SUGCT: variants seen among roughly 807,000 people sequenced by gnomAD.
The protein encoded by SUGCT is succinyl-CoA:glutarate CoA-transferase.
SUGCT carries 41 observed loss-of-function variants against 55.0 expected under a neutral mutation model. The ratio of observed to expected loss-of-function variants is 0.74; its 90% confidence interval spans 0.58 to 0.97. The LOEUF is 0.97. Ranked by LOEUF, SUGCT falls within the 50% of genes least tolerant of loss-of-function variation. The pLI is 0.00. For missense variants in SUGCT, 568 were observed against 547.8 expected, an observed-to-expected ratio of 1.04 and a Z score of -0.37; for synonymous variants, 187 against 200.4, an observed-to-expected ratio of 0.93 and a Z score of 0.56.
intron 12 of SUGCT, among the ~76,000 whole-genome samples, chr7:40,620,155 T>C (rs1290443001): frequency 2.0e-5 from 3 of 152,180 alleles, no homozygotes; most frequent in African/African-American, 7.2e-5. Context: ...GGATGTACCT[T>C]ACCTGACAAT....
chr7:40,922,426 C>G, the SUGCT span, among the ~76,000 whole-genome samples: 4 of 152,186 alleles, frequency 2.6e-5, no homozygotes, highest in African/African-American at 9.7e-5. Flanking sequence ...TTAGGTGGCT[C>G]TTGCAGTCTG....
At chr7:40,449,414 C>G in intron 10 of SUGCT, 56 bp downstream of exon 10, 1 of 1,398,956 alleles carries the variant, frequency 7.1e-7, no homozygotes, top group Non-Finnish European at 1.0e-6. Flanking sequence ...AGGGAAAGTT[C>G]AGTTTTGCCC....
At chr7:41,038,337 T>G in the SUGCT span, among the ~76,000 whole-genome samples, 1 of 152,220 alleles carries the variant, frequency 6.6e-6, no homozygotes, top group Non-Finnish European at 1.5e-5. Flanking sequence ...CCTTCTGCTA[T>G]TCTGCAGGCA....
chr7:40,253,817 G>A (rs977300461), intron 7 of SUGCT, among the ~76,000 whole-genome samples: 3 of 152,160 alleles, frequency 2.0e-5, no homozygotes, highest in African/African-American at 7.2e-5. Flanking sequence ...CACTGCACCC[G>A]GCCTACATGT....
intron 8 of SUGCT, among the ~76,000 whole-genome samples, chr7:40,297,814 C>T (rs1366966825): frequency 2.0e-5 from 3 of 152,008 alleles, no homozygotes; most frequent in African/African-American, 2.4e-5. Flanking sequence ...TCAAGCATGT[C>T]CTATATACAT....
At chr7:40,221,374 A>C (rs773504078) in intron 6 of SUGCT, among the ~76,000 whole-genome samples, 1 of 150,866 alleles carries the variant, frequency 6.6e-6, no homozygotes, top group Non-Finnish European at 1.5e-5. Context: ...AGGTCATGCC[A>C]CTGCACTCCA....
At chr7:40,771,262 GTAGTT>G (rs1298454772) in intron 13 of SUGCT, among the ~76,000 whole-genome samples, 3 of 152,124 alleles carry the variant, frequency 2.0e-5, no homozygotes, top group Non-Finnish European at 4.4e-5. Context: ...TTAGAAAGGT[GTAGTT>G]TAATCTATTA....
the SUGCT span, among the ~76,000 whole-genome samples, chr7:40,917,620 T>C: frequency 6.6e-6 from 1 of 152,104 alleles, no homozygotes; most frequent in African/African-American, 2.4e-5. Context: ...CAAGCTGCTA[T>C]AACAACAACA....
At chr7:40,416,352 A>G (rs1287619546) in intron 9 of SUGCT, among the ~76,000 whole-genome samples, 2 of 151,774 alleles carry the variant, frequency 1.3e-5, no homozygotes, top group African/African-American at 2.4e-5. Context: ...CTTATTTACT[A>G]GAATCTCAGA....
intron 8 of SUGCT, among the ~76,000 whole-genome samples, chr7:40,312,694 T>G (rs1291359723): frequency 6.6e-6 from 1 of 152,164 alleles, no homozygotes. Context: ...AAATATAATC[T>G]CTTGCTTGCT....
chr7:40,721,431 A>G (rs1258925725), intron 12 of SUGCT, among the ~76,000 whole-genome samples: 2 of 152,208 alleles, frequency 1.3e-5, no homozygotes, highest in Non-Finnish European at 2.9e-5. Context: ...GGCGGCAGAT[A>G]AGGAATGCTC....
At chr7:40,866,517 C>T in the SUGCT span, among the ~76,000 whole-genome samples, 4 of 150,008 alleles carry the variant, frequency 2.7e-5, no homozygotes, top group South Asian at 2.2e-4. Flanking sequence ...TTCATATAGC[C>T]GAACGTGCTT....
At chr7:40,660,158 T>C (rs952404065) in intron 12 of SUGCT, among the ~76,000 whole-genome samples, 14 of 152,334 alleles carry the variant, frequency 9.2e-5, no homozygotes, top group African/African-American at 3.1e-4. Context: ...TATATAGTCA[T>C]TGAGGCTGAG....
At chr7:40,241,876 C>A (rs984537204) in intron 7 of SUGCT, among the ~76,000 whole-genome samples, 1 of 148,772 alleles carries the variant, frequency 6.7e-6, no homozygotes, top group African/African-American at 2.5e-5. Flanking sequence ...GCTGAGATCA[C>A]GCCACTGTAC....
At chr7:40,914,720 G>C in the SUGCT span, among the ~76,000 whole-genome samples, 1 of 152,148 alleles carries the variant, frequency 6.6e-6, no homozygotes, top group African/African-American at 2.4e-5. Context: ...CTGTATCTCA[G>C]ACCTCAAACC....
chr7:40,705,730 C>G (rs552970870), intron 12 of SUGCT, among the ~76,000 whole-genome samples: 1 of 152,148 alleles, frequency 6.6e-6, no homozygotes, highest in Admixed American at 6.5e-5. Context: ...CTTAACTGTG[C>G]TGCTGGTGCC....
At chr7:40,245,192 T>G (rs1374517789) in intron 7 of SUGCT, among the ~76,000 whole-genome samples, 1 of 149,632 alleles carries the variant, frequency 6.7e-6, no homozygotes, top group African/African-American at 2.5e-5. Context: ...GTAGCTGGCA[T>G]TACAGGCACC....
Position 40,367,379 on chromosome 7 carries a change from C to T in SUGCT, c.816+50524C>T, listed in dbSNP as rs537439005. On this transcript the variant is annotated intron_variant, in intron 9 of 13. Coordinates refer to ENST00000335693, the MANE Select transcript of SUGCT (RefSeq NM_001193313.2). ...CATGTATACATATGTAACTAACCTGCACATTTTGCACCTATACCCTAAAAC... is the reference window on the plus strand; with the variant it reads ...CATGTATACATATGTAACTAACCTGTACATTTTGCACCTATACCCTAAAAC... Among the ~76,000 whole-genome samples, 221 of 151,148 alleles carry T rather than the reference C, an allele frequency of 1.5e-3. 1 individual carries two copies. The highest frequency in any genetic ancestry group is 5.2e-3 in the African/African-American group (213 of 41,130).
At chr7:40,288,246 G>C (rs1413874140) in intron 8 of SUGCT, among the ~76,000 whole-genome samples, 1 of 151,772 alleles carries the variant, frequency 6.6e-6, no homozygotes, top group Admixed American at 6.6e-5. Flanking sequence ...TGAAGAATTA[G>C]TACTAATTTT....
Sources: gnomAD v4.1 joint callset for allele counts (sites outside exome capture counted in the v4.1 genomes callset) on GRCh38, gnomAD v4.1.1 for gene constraint, MANE v1.5 for transcripts, NCBI Gene and HGNC (gene_info 2026-07-23, HGNC 2026-07-21) for gene names.